The following SCN1A variants were observed in gnomAD, a reference collection of about 807,000 sequenced individuals.
The protein encoded by SCN1A is sodium channel protein type 1 subunit alpha.
Under a neutral mutation model 193.7 loss-of-function variants are expected in SCN1A, and 13 were observed. That is an observed-to-expected ratio of 0.07 (90% CI 0.04 to 0.11). The LOEUF (loss-of-function observed/expected upper bound fraction) is 0.11, where lower values mean the gene tolerates loss of function less well. Ranked by LOEUF, SCN1A falls within the 10% of genes least tolerant of loss-of-function variation. The pLI is 1.00. For synonymous variants in SCN1A, 781 were observed against 843.6 expected (o/e 0.93, Z 1.29); for missense variants, 1,432 against 2,451.1 (o/e 0.58, Z 8.78).
intron 24 of SCN1A, among the ~76,000 whole-genome samples, chr2:166,001,298 A>G (rs1471180213): frequency 6.6e-6 from 1 of 151,746 alleles, no homozygotes; most frequent in Non-Finnish European, 1.5e-5. Context: ...CGTTCTTACC[A>G]GATTTAAAAA....
intron 2 of SCN1A, among the ~76,000 whole-genome samples, chr2:166,085,560 G>A (rs1226210792): frequency 6.6e-6 from 1 of 152,140 alleles, no homozygotes; most frequent in Non-Finnish European, 1.5e-5. Flanking sequence ...GAGAGATACA[G>A]CATAGAACCC....
chr2:165,994,930 G>A (rs780634679), intron 27 of SCN1A, among the ~76,000 whole-genome samples: 1 of 151,716 alleles, frequency 6.6e-6, no homozygotes, highest in African/African-American at 2.4e-5. Context: ...ACCACATATG[G>A]CAATACTCAT....
chr2:166,026,769 C>T (rs1417533210), intron 19 of SCN1A, among the ~76,000 whole-genome samples: 4 of 148,092 alleles, frequency 2.7e-5, no homozygotes, highest in African/African-American at 1.0e-4. Flanking sequence ...CTGCAAGCTC[C>T]GCCTCCCAGG....
At position 166,051,881 on chromosome 2, in the gene SCN1A, G is replaced by A. The variant is rs2105889931; in HGVS notation, c.802C>T (p.Leu268=). 6.2e-6 allele frequency: 10 copies of A among 1,612,662 alleles called. No individual in the cohort carries two copies. Among genetic ancestry groups the A allele is most frequent in the Non-Finnish European group, 8.5e-6 (10 of 1,179,060 alleles). ...TTATTCCTCAGGTTGCCCATGAACAGCTGCAGCCCAATTAGAGCAAATACG... is the reference window on the plus strand; with the variant it reads ...TTATTCCTCAGGTTGCCCATGAACAACTGCAGCCCAATTAGAGCAAATACG... The part of the protein sequence containing the change: ...LSVFALIGLQ[L]FMGNLRNKCI... Residue 268 remains leucine, a synonymous_variant, in exon 9 of 29, where the codon CTG becomes TTG. Transcript: ENST00000674923.
chr2:166,044,181 C>A, intron 13 of SCN1A, 132 bp from the exon 14 acceptor site: 1 of 1,070,462 alleles, frequency 9.3e-7, no homozygotes, highest in Non-Finnish European at 1.3e-6. Context: ...TTTTGATTAT[C>A]ATTCTCATTT....
At position 166,053,982 on chromosome 2, in the gene SCN1A, A is replaced by G. The variant is rs539681463; in HGVS notation, c.602+656T>C. 7.9e-5 allele frequency among the ~76,000 whole-genome samples: 12 copies of G among 151,186 alleles called. 1 individual carries two copies. In the East Asian group the frequency reaches 2.3e-3, roughly 30 times the overall value. The stretch of plus-strand genomic sequence containing the variant: ...TAAGGATAAGGAAGTTTATGTTCAG[A>G]CTAAAGAGATGAAGAGAGCCATAAA... On this transcript the variant is annotated intron_variant, in intron 7 of 28. Transcript: ENST00000674923.
chr2:166,072,958 G>C (rs1343735001), intron 4 of SCN1A, among the ~76,000 whole-genome samples: 2 of 150,696 alleles, frequency 1.3e-5, no homozygotes, highest in African/African-American at 4.9e-5. Flanking sequence ...CCCTGCCTCA[G>C]CCTCCTGAGT....
rs568172079 is a variant in SCN1A at position 166,113,546 on chromosome 2, G to A, written c.-142+13378C>T. On this transcript the variant is annotated intron_variant, in intron 2 of 28. Coordinates refer to ENST00000674923, the MANE Select transcript of SCN1A (RefSeq NM_001165963.4). ...CATTTGTCTTTTAGCTTGAACAACC[G>A]ATATATATACTAATCATAAATATAA... 6.8e-5 allele frequency among the ~76,000 whole-genome samples: 9 copies of A among 132,526 alleles called. No homozygotes were observed. In the South Asian group the frequency reaches 1.1e-3, roughly 16 times the overall value. The allele number at this position is 132,526 out of a possible 152,430, so 86.9% of individuals were successfully genotyped here. A position where few individuals can be genotyped will look rare whatever the true frequency, so the allele number is the denominator to read the frequency against.
intron 19 of SCN1A, among the ~76,000 whole-genome samples, chr2:166,026,104 G>C (rs1051797176): frequency 6.6e-6 from 1 of 151,800 alleles, no homozygotes; most frequent in African/African-American, 2.4e-5. Context: ...CCAGTATATG[G>C]TTACTTTTAT....
At chr2:166,056,854 A>G (rs114396817) in intron 5 of SCN1A, among the ~76,000 whole-genome samples, 324 of 152,194 alleles carry the variant, frequency 2.1e-3, no homozygotes, top group African/African-American at 7.6e-3. Flanking sequence ...TTTTCAGCAG[A>G]AAGTATTGAC....
intron 4 of SCN1A, among the ~76,000 whole-genome samples, chr2:166,061,185 C>T (rs956611943): frequency 6.6e-6 from 1 of 152,088 alleles, no homozygotes; most frequent in Non-Finnish European, 1.5e-5. Flanking sequence ...GGCTCCTTGG[C>T]CACTGTTCAG....
chr2:166,071,226 A>G (rs898605253), intron 4 of SCN1A, among the ~76,000 whole-genome samples: 13 of 152,224 alleles, frequency 8.5e-5, no homozygotes, highest in African/African-American at 3.1e-4. Context: ...TTTCTTATAC[A>G]AATAAAGTCC....
chr2:166,024,724 G>A (rs1238597848), intron 19 of SCN1A, among the ~76,000 whole-genome samples: 2 of 152,152 alleles, frequency 1.3e-5, no homozygotes, highest in Non-Finnish European at 2.9e-5. Context: ...GTGCAGTGAT[G>A]AAGTCACAGC....
chr2:166,016,839 C>G (rs1374808879), intron 19 of SCN1A, among the ~76,000 whole-genome samples: 1 of 151,628 alleles, frequency 6.6e-6, no homozygotes, highest in Non-Finnish European at 1.5e-5. Context: ...CACACAGCAG[C>G]AAGCCATTCA....
intron 1 of SCN1A, among the ~76,000 whole-genome samples, chr2:166,143,679 ATATTATAATTAGAAAAAAG>A (rs1558917703): frequency 2.6e-5 from 4 of 152,192 alleles, no homozygotes; most frequent in African/African-American, 7.2e-5. Flanking sequence ...TTTACCTAGA[ATATTATAATTAGAAAAAAG>A]TCTGAGGAAT....
intron 21 of SCN1A, among the ~76,000 whole-genome samples, chr2:166,012,513 TAGTC>T (rs1017448162): frequency 1.3e-5 from 2 of 150,802 alleles, no homozygotes; most frequent in Admixed American, 1.3e-4. Flanking sequence ...TAATTTGACT[TAGTC>T]AGGAAATAGT....
chr2:166,103,253 C>A (rs766998850), intron 2 of SCN1A, among the ~76,000 whole-genome samples: 1 of 152,060 alleles, frequency 6.6e-6, no homozygotes. Flanking sequence ...GAGCTCAAGA[C>A]CAGTCTGGCC....
chr2:166,129,268 A>G (rs371133965), upstream of SCN1A, among the ~76,000 whole-genome samples: 1 of 152,178 alleles, frequency 6.6e-6, no homozygotes, highest in Non-Finnish European at 1.5e-5. Flanking sequence ...AGCCCAAAGA[A>G]TAATCCACTG....
At chr2:166,058,973 G>C (rs1182421461) in intron 4 of SCN1A, among the ~76,000 whole-genome samples, 1 of 152,042 alleles carries the variant, frequency 6.6e-6, no homozygotes, top group Non-Finnish European at 1.5e-5. Context: ...GATATTTTAA[G>C]TGTCTGAGTT....
Sources: allele counts gnomAD v4.1 joint callset (sites outside exome capture counted in the v4.1 genomes callset), GRCh38; gene constraint gnomAD v4.1.1; transcripts MANE v1.5; gene names NCBI Gene and HGNC (gene_info 2026-07-23, HGNC 2026-07-21).